The following HMGB1 variants were observed in gnomAD, a reference collection of about 807,000 sequenced individuals.
The protein encoded by HMGB1 is high mobility group box 1, also known as high mobility group protein B1.
For synonymous variants in HMGB1, 81 were observed against 84.0 expected (o/e 0.96, Z 0.19); for missense variants, 79 against 253.5 (o/e 0.31, Z 4.67).
chr13:30,512,104 A>T (rs989483400), intron 1 of HMGB1, among the ~76,000 whole-genome samples: 2 of 152,038 alleles, frequency 1.3e-5, no homozygotes, highest in East Asian at 3.9e-4. Flanking sequence ...ACTTGAGCTC[A>T]GGAGTTCGAG....
intron 1 of HMGB1, among the ~76,000 whole-genome samples, chr13:30,538,625 CTTTCTT>C (rs1453145952): frequency 9.2e-6 from 1 of 108,252 alleles, no homozygotes; most frequent in African/African-American, 5.1e-5. Context: ...TTCTCTCTCT[CTTTCTT>C]TTTCTTTCTT....
chr13:30,474,860 T>G (rs12429389), intron 1 of HMGB1, among the ~76,000 whole-genome samples: 30,782 of 148,176 alleles, frequency 0.21, 3,508 homozygotes, highest in Admixed American at 0.32. Context: ...TTTTGTTTTT[T>G]TTTTTTTGAG....
chr13:30,557,690 C>T (rs1869747258), intron 1 of HMGB1, among the ~76,000 whole-genome samples: 1 of 152,236 alleles, frequency 6.6e-6, no homozygotes, highest in Admixed American at 6.5e-5. Flanking sequence ...TATGCCGAGA[C>T]AAATGATTTC....
At chr13:30,564,058 A>AT (rs879528953) in intron 1 of HMGB1, among the ~76,000 whole-genome samples, 65 of 152,240 alleles carry the variant, frequency 4.3e-4, no homozygotes, top group Admixed American at 9.2e-4. Flanking sequence ...TTCAATTCAT[A>AT]TTTTTTTGGA....
chr13:30,464,400 G>A (rs932663588), intron 1 of HMGB1: 7 of 985,458 alleles, frequency 7.1e-6, no homozygotes, highest in Non-Finnish European at 7.2e-6. Context: ...TCGTGGCTCG[G>A]TGGCCCCCTC....
At chr13:30,482,788 T>G (rs4769838) in intron 1 of HMGB1, among the ~76,000 whole-genome samples, 61,609 of 151,890 alleles carry the variant, frequency 0.41, 13,836 homozygotes, top group Non-Finnish European at 0.5. Context: ...AATTTTTTTT[T>G]TTGTTGTTGT....
intron 1 of HMGB1, among the ~76,000 whole-genome samples, chr13:30,522,216 G>T (rs941137491): frequency 6.7e-6 from 1 of 149,374 alleles, no homozygotes; most frequent in African/African-American, 2.5e-5. Flanking sequence ...GGACTCAAGT[G>T]ATCCTCTCAC....
intron 1 of HMGB1, among the ~76,000 whole-genome samples, chr13:30,519,944 C>G (rs1311292280): frequency 2.6e-5 from 4 of 152,152 alleles, no homozygotes; most frequent in African/African-American, 9.7e-5. Context: ...CTCTTTTAGA[C>G]TTAGATTTTT....
At chr13:30,590,730 T>C (rs1436062540) in intron 1 of HMGB1, among the ~76,000 whole-genome samples, 2 of 152,124 alleles carry the variant, frequency 1.3e-5, no homozygotes, top group Non-Finnish European at 2.9e-5. Context: ...AGGAGGTAAT[T>C]TGGTTTTGAG....
chr13:30,598,604 T>C (rs1047725002), intron 1 of HMGB1, among the ~76,000 whole-genome samples: 1 of 151,998 alleles, frequency 6.6e-6, no homozygotes, highest in Non-Finnish European at 1.5e-5. Flanking sequence ...CCTGAAAATA[T>C]AGGAAGTGAG....
At chr13:30,491,320 G>A (rs935074131) in intron 1 of HMGB1, among the ~76,000 whole-genome samples, 2 of 143,902 alleles carry the variant, frequency 1.4e-5, no homozygotes, top group African/African-American at 5.9e-5. Context: ...GTGAGCCACC[G>A]CGCCTGGCCC....
intron 1 of HMGB1, among the ~76,000 whole-genome samples, chr13:30,563,688 T>C (rs1870062013): frequency 6.6e-6 from 1 of 152,238 alleles, no homozygotes; most frequent in Admixed American, 6.5e-5. Context: ...CTTCAAAGGC[T>C]AGCACAATTA....
At chr13:30,471,125 C>G (rs924273153) in intron 1 of HMGB1, among the ~76,000 whole-genome samples, 3 of 151,772 alleles carry the variant, frequency 2.0e-5, no homozygotes, top group African/African-American at 7.3e-5. Context: ...ACTACAGGCA[C>G]GCGCCATGGC....
chr13:30,616,040 T>C (rs1437018322), intron 1 of HMGB1, among the ~76,000 whole-genome samples: 2 of 152,200 alleles, frequency 1.3e-5, no homozygotes, highest in African/African-American at 2.4e-5. Context: ...TTCAAATATA[T>C]AGGAATAACC....
intron 1 of HMGB1, chr13:30,464,610 T>C (rs2137405044): frequency 1.0e-6 from 1 of 983,038 alleles, no homozygotes; most frequent in Non-Finnish European, 1.2e-6. Context: ...TTTGTCAGGC[T>C]CGGCGCAGGG....
chr13:30,467,779 C>T (rs1331700), upstream of HMGB1, among the ~76,000 whole-genome samples: 2,249 of 152,242 alleles, frequency 0.015, 28 homozygotes, highest in Non-Finnish European at 0.023. Flanking sequence ...TAAAATTTGA[C>T]GATTAGTTGA....
intron 1 of HMGB1, among the ~76,000 whole-genome samples, chr13:30,572,008 T>C (rs980141227): frequency 6.6e-6 from 1 of 152,222 alleles, no homozygotes; most frequent in East Asian, 1.9e-4. Flanking sequence ...TATACCTGAA[T>C]AGCAGATATT....
intron 1 of HMGB1, among the ~76,000 whole-genome samples, chr13:30,562,448 T>C (rs1048461386): frequency 6.6e-6 from 1 of 152,110 alleles, no homozygotes; most frequent in Non-Finnish European, 1.5e-5. Flanking sequence ...CTTGTTGACA[T>C]ATAAAATTCC....
In HMGB1 at chr13:30,490,309, A is replaced by G. The variant is rs1479574304; in HGVS notation, c.-14-26615T>C. On this transcript the variant is annotated intron_variant, in intron 1 of 4. Coordinates refer to the HMGB1 transcript ENST00000405805. The stretch of plus-strand genomic sequence containing the variant: ...GCTCTACAAAGAGTCATATGAGATA[A>G]GTATTTCAATTAAGAATTTAGGAAT... 1.1e-4 allele frequency among the ~76,000 whole-genome samples: 17 copies of G among 152,252 alleles called. No individual in the cohort carries two copies. In the East Asian group the frequency reaches 3.1e-3, roughly 28 times the overall value.
Sources: gnomAD v4.1 joint callset for allele counts (sites outside exome capture counted in the v4.1 genomes callset) on GRCh38, gnomAD v4.1.1 for gene constraint, MANE v1.5 for transcripts, NCBI Gene and HGNC (gene_info 2026-07-23, HGNC 2026-07-21) for gene names.